ANXA2: variants seen among roughly 807,000 people sequenced by gnomAD.
The protein encoded by ANXA2 is annexin A2, also known as annexin II.
Under a neutral mutation model 47.3 loss-of-function variants are expected in ANXA2, and 28 were observed. That is an observed-to-expected ratio of 0.59 (90% CI 0.44 to 0.81). The LOEUF (loss-of-function observed/expected upper bound fraction) is 0.81. Ranked by LOEUF, ANXA2 falls within the 40% of genes least tolerant of loss-of-function variation. ANXA2 has a pLI of 0.00. For missense variants in ANXA2, 384 were observed against 414.3 expected (o/e 0.93, Z 0.64); for synonymous variants, 172 against 155.5 (o/e 1.11, Z -0.79).
chr15:60,392,913 A>G (rs974327596), intron 1 of ANXA2: 8 of 876,336 alleles, frequency 9.1e-6, no homozygotes, highest in African/African-American at 1.8e-5. Context: ...CTGGACACAC[A>G]GTCTACAGGC....
intron 2 of ANXA2, chr15:60,384,540 G>C (rs943094126): frequency 6.6e-6 from 1 of 152,126 alleles, no homozygotes; most frequent in Non-Finnish European, 1.5e-5. Flanking sequence ...AACTTCAGAG[G>C]CTACACAAAA....
At chr15:60,397,915 G>A in intron 1 of ANXA2, 28 bp downstream of exon 1, 1 of 1,336,000 alleles carries the variant, frequency 7.5e-7, no homozygotes. Flanking sequence ...GCGGCCCATC[G>A]CGGGCGGGCA....
intron 4 of ANXA2, among the ~76,000 whole-genome samples, chr15:60,364,152 G>C (rs758379252): frequency 6.6e-6 from 1 of 152,204 alleles, no homozygotes; most frequent in Non-Finnish European, 1.5e-5. Flanking sequence ...TCTCACAGAA[G>C]CGCGAACCCT....
At chr15:60,389,815 T>C (rs2062983736) in intron 1 of ANXA2, among the ~76,000 whole-genome samples, 1 of 152,154 alleles carries the variant, frequency 6.6e-6, no homozygotes, top group Non-Finnish European at 1.5e-5. Flanking sequence ...GTGACTTGCC[T>C]CTCCGCACTC....
intron 3 of ANXA2, chr15:60,374,364 G>A: frequency 2.3e-6 from 1 of 436,118 alleles, no homozygotes; most frequent in Non-Finnish European, 4.6e-6. Flanking sequence ...CCTGTATTGT[G>A]CTCTGCTACT....
chr15:60,349,869 G>C (rs1400916890), intron 11 of ANXA2, among the ~76,000 whole-genome samples: 3 of 119,776 alleles, frequency 2.5e-5, no homozygotes, highest in African/African-American at 9.7e-5. Flanking sequence ...CAGGGAGGCA[G>C]GGGAAGGCAA....
intron 3 of ANXA2, among the ~76,000 whole-genome samples, chr15:60,381,144 G>A (rs1474381171): frequency 2.6e-5 from 4 of 152,144 alleles, no homozygotes; most frequent in East Asian, 1.9e-4. Flanking sequence ...AAACCAGGAC[G>A]TCATCCTAGT....
chr15:60,355,706 A>G lies in ANXA2; in HGVS notation c.528+213T>C, dbSNP rs1347572238. The G allele has an allele frequency of 9.8e-6, 6 of 614,180 alleles. No homozygotes were observed. In the South Asian group the frequency reaches 1.1e-4, roughly 11 times the overall value. 38.0% of individuals were successfully genotyped at this position (614,180 alleles called of 1,614,324 possible). A position where few individuals can be genotyped will look rare whatever the true frequency, so the allele number is the denominator to read the frequency against. ...GCCGCCCATCCCTTCTCTGGCTCCCAAAGTCCACTTGTCCATGAGGTTTTG... is the reference window on the plus strand; with the variant it reads ...GCCGCCCATCCCTTCTCTGGCTCCCGAAGTCCACTTGTCCATGAGGTTTTG... On this transcript the variant is annotated intron_variant, in intron 7 of 12. Coordinates refer to ENST00000451270, the MANE Select transcript of ANXA2 (RefSeq NM_004039.3).
intron 1 of ANXA2, among the ~76,000 whole-genome samples, chr15:60,388,454 C>T (rs2062962222): frequency 6.6e-6 from 1 of 152,084 alleles, no homozygotes. Flanking sequence ...CTCAAGTGAT[C>T]CAAGCACTGA....
chr15:60,368,454 T>A (rs2062668255), intron 3 of ANXA2, among the ~76,000 whole-genome samples: 1 of 152,162 alleles, frequency 6.6e-6, no homozygotes, highest in East Asian at 1.9e-4. Flanking sequence ...AATAAGAGGC[T>A]GATTAAATGT....
At chr15:60,393,053 T>TA in intron 1 of ANXA2, 1 of 1,287,496 alleles carries the variant, frequency 7.8e-7, no homozygotes. Context: ...TGAAAGCAGA[T>TA]ATTCTTCTCC....
At chr15:60,361,476 C>T (rs1048152322) in intron 4 of ANXA2, 9 of 188,572 alleles carry the variant, frequency 4.8e-5, no homozygotes, top group Non-Finnish European at 1.0e-4. Flanking sequence ...ATCTTGTGGC[C>T]TCCCGATATA....
intron 5 of ANXA2, among the ~76,000 whole-genome samples, chr15:60,358,979 C>A (rs1271756148): frequency 6.6e-6 from 1 of 152,176 alleles, no homozygotes; most frequent in East Asian, 1.9e-4. Context: ...CAAAGCCCGG[C>A]CCAAACTCTC....
At chr15:60,357,118 G>A (rs778488870) in intron 6 of ANXA2, 28 bp downstream of exon 6, 3 of 1,602,078 alleles carry the variant, frequency 1.9e-6, no homozygotes, top group African/African-American at 2.7e-5. Flanking sequence ...GGGCTGAGAG[G>A]ATGAATCACA....
chr15:60,389,574 C>T (rs8032238), intron 1 of ANXA2, among the ~76,000 whole-genome samples: 2 of 152,220 alleles, frequency 1.3e-5, no homozygotes, highest in African/African-American at 2.4e-5. Flanking sequence ...AAAAGCCCCA[C>T]AAATCTTCCT....
rs1440412171 is a variant in ANXA2 at position 60,364,474 on chromosome 15, T to G, written c.198A>C (p.Ala66=). ...AGGCGAAGGCAATATCCTGTCTCTG[T>G]GCATTGCTGCGGTTGGTCAAAATGT... ...IVNILTNRSN[A]QRQDIAFAYQ... Residue 66 remains alanine (A), a synonymous_variant, in exon 4 of 13, where the codon GCA becomes GCC. Transcript: ENST00000451270. 1 of 1,613,524 alleles carries G rather than the reference T, an allele frequency of 6.2e-7. No homozygotes were observed. Among genetic ancestry groups the G allele is most frequent in the Non-Finnish European group, 8.5e-7 (1 of 1,179,870 alleles).
Position 60,386,020 on chromosome 15 carries a change from A to G in ANXA2, c.48+8T>C, listed in dbSNP as rs2062928699. On this transcript the variant is annotated splice_region_variant and intron_variant, in intron 2 of 12. Transcript: ENST00000451270. ...AAAAATTATATAAAGTGAAAGTGAT[A>G]TACTTACATCACCCTCCAAGCTGAG... The G allele has an allele frequency of 3.1e-6, 5 of 1,601,896 alleles. No individual in the cohort carries two copies. The African/African-American group carries it at 6.7e-5, about 21-fold the overall frequency.
chr15:60,385,350 G>A (rs915330589), intron 2 of ANXA2, among the ~76,000 whole-genome samples: 4 of 152,156 alleles, frequency 2.6e-5, no homozygotes, highest in African/African-American at 9.7e-5. Flanking sequence ...GGCAGATCAC[G>A]AAGTCAAGAG....
chr15:60,378,018 G>C (rs189593795), intron 3 of ANXA2, among the ~76,000 whole-genome samples: 16 of 152,202 alleles, frequency 1.1e-4, no homozygotes, highest in African/African-American at 3.9e-4. Context: ...AACCCAGGAG[G>C]GTTCTGCCAG....
Sources: allele counts gnomAD v4.1 joint callset (sites outside exome capture counted in the v4.1 genomes callset), GRCh38; gene constraint gnomAD v4.1.1; transcripts MANE v1.5; gene names NCBI Gene and HGNC (gene_info 2026-07-23, HGNC 2026-07-21).